The following MACROD2 variants were observed in gnomAD, a reference collection of about 807,000 sequenced individuals.
The protein encoded by MACROD2 is mono-ADP ribosylhydrolase 2.
Under a neutral mutation model 70.4 loss-of-function variants are expected in MACROD2, and 36 were observed. That is an observed-to-expected ratio of 0.51 (90% CI 0.39 to 0.68). The LOEUF (loss-of-function observed/expected upper bound fraction) is 0.68. Among genes scored for constraint, MACROD2 ranks in the 30% least tolerant of loss-of-function variants. The pLI is 0.00. For synonymous variants in MACROD2, 172 were observed against 178.8 expected (o/e 0.96, Z 0.30); for missense variants, 496 against 538.4 (o/e 0.92, Z 0.78).
At chr20:15,967,499 GCT>G in intron 12 of MACROD2, 52 bp from the exon 13 acceptor site, 1 of 1,396,622 alleles carries the variant, frequency 7.2e-7, no homozygotes, top group Non-Finnish European at 1.0e-6. Flanking sequence ...GCTGAAAGCT[GCT>G]CTGTTTCCAA....
At chr20:14,448,537 C>G (rs1490904896) in intron 3 of MACROD2, among the ~76,000 whole-genome samples, 2 of 151,808 alleles carry the variant, frequency 1.3e-5, no homozygotes, top group Admixed American at 1.3e-4. Flanking sequence ...ATTAGCCAGG[C>G]ATGGTGGTGC....
intron 6 of MACROD2, among the ~76,000 whole-genome samples, chr20:15,366,775 G>A (rs2045415723): frequency 6.6e-6 from 1 of 151,676 alleles, no homozygotes; most frequent in Admixed American, 6.6e-5. Context: ...TGCCCAGGCT[G>A]GCATCAAACT....
At chr20:14,094,118 A>G (rs1020245956) in intron 3 of MACROD2, among the ~76,000 whole-genome samples, 1 of 151,966 alleles carries the variant, frequency 6.6e-6, no homozygotes, top group African/African-American at 2.4e-5. Context: ...TTTAAGGGGG[A>G]GACTGGAAGC....
intron 4 of MACROD2, among the ~76,000 whole-genome samples, chr20:14,565,141 A>G (rs188663319): frequency 5.3e-4 from 81 of 152,022 alleles, no homozygotes; most frequent in Non-Finnish European, 8.5e-4. Flanking sequence ...ATGGACATAC[A>G]TGGACATGCA....
At chr20:15,478,683 G>A (rs906425018) in intron 7 of MACROD2, among the ~76,000 whole-genome samples, 1 of 152,092 alleles carries the variant, frequency 6.6e-6, no homozygotes, top group Admixed American at 6.5e-5. Context: ...TGAATGATTG[G>A]GTGGCAGAAT....
At chr20:14,092,580 C>A (rs1189730018) in intron 3 of MACROD2, among the ~76,000 whole-genome samples, 1 of 152,106 alleles carries the variant, frequency 6.6e-6, no homozygotes, top group Non-Finnish European at 1.5e-5. Flanking sequence ...TTTCTAGGCT[C>A]TTGAAAAGCT....
At chr20:15,068,912 G>C (rs2075598274) in intron 5 of MACROD2, among the ~76,000 whole-genome samples, 1 of 152,186 alleles carries the variant, frequency 6.6e-6, no homozygotes, top group African/African-American at 2.4e-5. Context: ...AGTTTGGAAG[G>C]CTTAGAAAAA....
At chr20:14,614,779 G>T (rs1046914238) in intron 4 of MACROD2, among the ~76,000 whole-genome samples, 1 of 152,086 alleles carries the variant, frequency 6.6e-6, no homozygotes, top group African/African-American at 2.4e-5. Flanking sequence ...TTGGAGTCTT[G>T]ATGCTAAACA....
chr20:15,930,712 C>T (rs2147312855), intron 10 of MACROD2, among the ~76,000 whole-genome samples: 1 of 152,226 alleles, frequency 6.6e-6, no homozygotes, highest in Middle Eastern at 3.4e-3. Context: ...AAGCATGCCA[C>T]TCAGATGTCT....
chr20:15,927,811 G>A (rs1452313134), intron 10 of MACROD2, among the ~76,000 whole-genome samples: 2 of 152,120 alleles, frequency 1.3e-5, no homozygotes, highest in African/African-American at 2.4e-5. Flanking sequence ...GTAAAGGTTT[G>A]GAACTAACAT....
intron 8 of MACROD2, among the ~76,000 whole-genome samples, chr20:15,793,124 T>TGTATGTGTGTGCATGCGC (rs2063640337): frequency 2.0e-5 from 3 of 151,948 alleles, no homozygotes; most frequent in Middle Eastern, 6.8e-3. Flanking sequence ...AAAAAGACTG[T>TGTATGTGTGTGCATGCGC]GTGTGTGTGT....
chr20:15,340,009 T>G (rs2078090477), intron 6 of MACROD2, among the ~76,000 whole-genome samples: 1 of 148,292 alleles, frequency 6.7e-6, no homozygotes, highest in Admixed American at 6.6e-5. Flanking sequence ...TCCCATTATC[T>G]TGATTAGTAA....
chr20:14,442,782 A>G (rs534260292), intron 3 of MACROD2, among the ~76,000 whole-genome samples: 1 of 152,078 alleles, frequency 6.6e-6, no homozygotes, highest in African/African-American at 2.4e-5. Flanking sequence ...AGAGTAAGAA[A>G]TGAGAACTAC....
intron 3 of MACROD2, among the ~76,000 whole-genome samples, chr20:14,217,503 T>G (rs574002182): frequency 1.3e-5 from 2 of 152,128 alleles, no homozygotes; most frequent in Non-Finnish European, 2.9e-5. Context: ...GTTTTGGTAT[T>G]AGGGTGATGC....
chr20:14,601,996 C>T (rs79085581), intron 4 of MACROD2, among the ~76,000 whole-genome samples: 4,569 of 152,250 alleles, frequency 0.03, 233 homozygotes, highest in African/African-American at 0.11. Context: ...TCCTCCTTGA[C>T]GCTCAAAGCT....
chr20:15,436,178 G>C (rs903702534), intron 7 of MACROD2, among the ~76,000 whole-genome samples: 1 of 151,312 alleles, frequency 6.6e-6, no homozygotes, highest in African/African-American at 2.4e-5. Flanking sequence ...CATATGTCCT[G>C]CATTAGTCCG....
chr20:14,413,194 T>C (rs1244618293), intron 3 of MACROD2, among the ~76,000 whole-genome samples: 1 of 28,778 alleles, frequency 3.5e-5, no homozygotes, highest in Non-Finnish European at 9.9e-5. Flanking sequence ...TCTTTACCAC[T>C]GTTTTTTTTT....
At chr20:15,946,312 T>C (rs1190822119) in intron 12 of MACROD2, among the ~76,000 whole-genome samples, 2 of 152,174 alleles carry the variant, frequency 1.3e-5, no homozygotes, top group Non-Finnish European at 2.9e-5. Context: ...CTCAATATCT[T>C]TCTTGCCCTA....
intron 3 of MACROD2, among the ~76,000 whole-genome samples, chr20:14,331,016 T>C (rs2082826564): frequency 6.6e-6 from 1 of 152,104 alleles, no homozygotes; most frequent in African/African-American, 2.4e-5. Flanking sequence ...AAAACCATTA[T>C]AAAAATAACA....
Sources: gnomAD v4.1 joint callset for allele counts (sites outside exome capture counted in the v4.1 genomes callset) on GRCh38, gnomAD v4.1.1 for gene constraint, MANE v1.5 for transcripts, NCBI Gene and HGNC (gene_info 2026-07-23, HGNC 2026-07-21) for gene names.